The following CCDC85A variants were observed in gnomAD, a reference collection of about 807,000 sequenced individuals.
CCDC85A encodes the protein coiled-coil domain-containing protein 85A.
In CCDC85A, 38 loss-of-function variants were observed where a neutral mutation model predicts 50.2. The ratio of observed to expected loss-of-function variants is 0.76; its 90% CI spans 0.58 to 0.99. The LOEUF is 0.99. Ranked by LOEUF, CCDC85A falls within the 50% of genes least tolerant of loss-of-function variation. The probability of loss-of-function intolerance (pLI) is 0.00; values close to 1 mark genes in which losing one functional copy is unlikely to be tolerated. For missense variants in CCDC85A, 820 were observed against 742.0 expected (o/e 1.11, Z -1.22); for synonymous variants, 366 against 301.4 (o/e 1.21, Z -2.22).
chr2:56,341,001 G>C (rs894520619), intron 2 of CCDC85A, among the ~76,000 whole-genome samples: 1 of 152,062 alleles, frequency 6.6e-6, no homozygotes, highest in African/African-American at 2.4e-5. Context: ...TTTTGACTTG[G>C]GTTTTATACA....
intron 2 of CCDC85A, among the ~76,000 whole-genome samples, chr2:56,296,463 G>A (rs930792743): frequency 1.3e-5 from 2 of 152,212 alleles, no homozygotes; most frequent in Non-Finnish European, 1.5e-5. Context: ...TGCAGAAGGA[G>A]CAGGCAGCTG....
intron 2 of CCDC85A, among the ~76,000 whole-genome samples, chr2:56,307,501 T>G (rs1385015319): frequency 6.6e-6 from 1 of 152,170 alleles, no homozygotes; most frequent in Non-Finnish European, 1.5e-5. Context: ...ATGGTTCTTT[T>G]TTGCATATTG....
chr2:56,237,963 T>C (rs1669094687), intron 2 of CCDC85A, among the ~76,000 whole-genome samples: 1 of 152,190 alleles, frequency 6.6e-6, no homozygotes, highest in Non-Finnish European at 1.5e-5. Context: ...AGACAGTATC[T>C]TCACATTACA....
intron 5 of CCDC85A, among the ~76,000 whole-genome samples, chr2:56,381,231 A>C (rs547195345): frequency 6.6e-6 from 1 of 152,102 alleles, no homozygotes; most frequent in Admixed American, 6.6e-5. Context: ...ATGCACCACC[A>C]TTCACTTTCT....
intron 2 of CCDC85A, among the ~76,000 whole-genome samples, chr2:56,287,846 C>T (rs1328797006): frequency 6.6e-6 from 1 of 152,164 alleles, no homozygotes; most frequent in Non-Finnish European, 1.5e-5. Context: ...TAAATGTGGA[C>T]TACTTTTGGG....
intron 2 of CCDC85A, among the ~76,000 whole-genome samples, chr2:56,211,306 T>A (rs1229751171): frequency 6.6e-6 from 1 of 152,070 alleles, no homozygotes; most frequent in Non-Finnish European, 1.5e-5. Flanking sequence ...GTCATGCTCA[T>A]TTTGGTCCTT....
chr2:56,218,606 A>C (rs1283292798), intron 2 of CCDC85A, among the ~76,000 whole-genome samples: 1 of 151,882 alleles, frequency 6.6e-6, no homozygotes, highest in Non-Finnish European at 1.5e-5. Context: ...TTTACATCTT[A>C]CTTATTACCT....
Position 56,189,013 on chromosome 2 carries a change from G to A in CCDC85A, c.277-3464G>A, listed in dbSNP as rs182899579. On this transcript the variant is annotated intron_variant, in intron 1 of 5. Transcript: ENST00000407595. ...GTGTGATACAGGCCTTAAACAGTGA[G>A]TGGGAAAGTTACTTCATTCATTCAT... Among the ~76,000 whole-genome samples the A allele has an allele frequency of 5.9e-5, 9 of 152,340 alleles. No homozygotes were observed. In the East Asian group the frequency reaches 1.7e-3, roughly 29 times the overall value.
At chr2:56,263,008 C>T (rs559706134) in intron 2 of CCDC85A, among the ~76,000 whole-genome samples, 1 of 151,570 alleles carries the variant, frequency 6.6e-6, no homozygotes, top group African/African-American at 2.4e-5. Flanking sequence ...CATTGATTAA[C>T]AAAGAGACTA....
chr2:56,192,342 T>G lies in CCDC85A; in HGVS notation c.277-135T>G, dbSNP rs965961318. On this transcript the variant is annotated intron_variant, in intron 1 of 5. Coordinates refer to ENST00000407595, the MANE Select transcript of CCDC85A (RefSeq NM_001080433.2). This position sits in a 1 kb window ranked among gnomAD's most constrained non-coding sequence, Gnocchi z 4.7. ...TATGGACAGCTACAAATCTTCAGCTTCCTCCTACTCCCTCACCTCCTCCCC... is the reference window on the plus strand; with the variant it reads ...TATGGACAGCTACAAATCTTCAGCTGCCTCCTACTCCCTCACCTCCTCCCC... The G allele has an allele frequency of 8.0e-7, 1 of 1,247,824 alleles. No individual in the cohort carries two copies. Among genetic ancestry groups the G allele is most frequent in the African/African-American group, 1.5e-5 (1 of 66,556 alleles). The allele number at this position is 1,247,824 out of a possible 1,614,324, so 77.3% of individuals were successfully genotyped here.
chr2:56,194,490 GAA>G lies in CCDC85A; in HGVS notation c.1240+1051_1240+1052del, dbSNP rs202090597. The stretch of plus-strand genomic sequence containing the variant: ...TATCTGAGGGTTTTTGCTTTATTTG[GAA>G]GGTGCTCTGGAGTCTGCAGCCAGCT... On this transcript the variant is annotated intron_variant, in intron 2 of 5. Coordinates refer to ENST00000407595, the MANE Select transcript of CCDC85A (RefSeq NM_001080433.2). Among the ~76,000 whole-genome samples, 947 of 152,270 alleles carry G rather than the reference GAA, an allele frequency of 6.2e-3. 7 individuals are homozygous for G. Among genetic ancestry groups the G allele is most frequent in the African/African-American group, 0.022 (900 of 41,542 alleles).
At chr2:56,346,821 A>C (rs1674654563) in intron 3 of CCDC85A, among the ~76,000 whole-genome samples, 2 of 152,212 alleles carry the variant, frequency 1.3e-5, no homozygotes, top group African/African-American at 4.8e-5. Flanking sequence ...TTTTTCAAAG[A>C]ATTGCATATA....
rs572255027 is a variant in CCDC85A at position 56,264,839 on chromosome 2, A to G, written c.1240+71399A>G. ...TCATTCCTCTCCAGGCCATCTTTGC[A>G]TTTCTCTTCTTTAGTCACACGAAGT... On this transcript the variant is annotated intron_variant, in intron 2 of 5. Coordinates refer to ENST00000407595, the MANE Select transcript of CCDC85A (RefSeq NM_001080433.2). Among the ~76,000 whole-genome samples, 9 of 152,130 alleles carry G rather than the reference A, an allele frequency of 5.9e-5. No homozygotes were observed. In the East Asian group the frequency reaches 9.7e-4, roughly 16 times the overall value.
At chr2:56,310,186 A>G (rs561500164) in intron 2 of CCDC85A, among the ~76,000 whole-genome samples, 20 of 152,284 alleles carry the variant, frequency 1.3e-4, no homozygotes, top group African/African-American at 4.8e-4. Flanking sequence ...ACAGGGACAT[A>G]CCTCGGGTAA....
intron 1 of CCDC85A, among the ~76,000 whole-genome samples, chr2:56,189,731 C>G (rs1353196446): frequency 1.3e-5 from 2 of 152,134 alleles, no homozygotes; most frequent in Admixed American, 1.3e-4. Flanking sequence ...TAACCCTTAC[C>G]TCCCTTCCTA....
intron 2 of CCDC85A, among the ~76,000 whole-genome samples, chr2:56,241,016 A>G (rs946184043): frequency 6.6e-6 from 1 of 152,136 alleles, no homozygotes; most frequent in Non-Finnish European, 1.5e-5. Context: ...CAATTTCTCC[A>G]TATTATTGCC....
chr2:56,381,437 A>ATAG lies in CCDC85A; in HGVS notation c.1573-2826_1573-2824dup, dbSNP rs140572166. ...TCATTCTCCAGTGTTTGTCCAAAGA[A>ATAG]TAGTATGTGGACCTCCTTCATAATT... On this transcript the variant is annotated intron_variant, in intron 5 of 5. Coordinates refer to ENST00000407595, the MANE Select transcript of CCDC85A (RefSeq NM_001080433.2). Among the ~76,000 whole-genome samples, 785 of 152,232 alleles carry ATAG rather than the reference A, an allele frequency of 5.2e-3. 5 individuals are homozygous for ATAG. The highest frequency in any genetic ancestry group is 0.018 in the African/African-American group (728 of 41,556).
chr2:56,184,997 A>C, intron 1 of CCDC85A, 97 bp downstream of exon 1: 2 of 1,368,356 alleles, frequency 1.5e-6, no homozygotes, highest in Non-Finnish European at 1.9e-6. Context: ...CTCCCTCAAC[A>C]GGTGACCCTC....
chr2:56,304,306 ATGT>A, intron 2 of CCDC85A, among the ~76,000 whole-genome samples: 1 of 152,208 alleles, frequency 6.6e-6, no homozygotes, highest in Admixed American at 6.5e-5. Flanking sequence ...CAAACAAATA[ATGT>A]TTCTGAAACG....
Sources: gnomAD v4.1 joint callset for allele counts (sites outside exome capture counted in the v4.1 genomes callset) on GRCh38, gnomAD v4.1.1 for gene constraint, Gnocchi (gnomAD v3.1) non-coding constraint, MANE v1.5 for transcripts, NCBI Gene and HGNC (gene_info 2026-07-23, HGNC 2026-07-21) for gene names.